CCNB3: variants seen among roughly 807,000 people sequenced by gnomAD.
The protein encoded by CCNB3 is cyclin B3.
CCNB3 carries 12 observed loss-of-function variants against 68.0 expected under a neutral mutation model. The observed-to-expected ratio is 0.18, with a 90% CI of 0.11 to 0.29. The LOEUF is 0.29. Among genes scored for constraint, CCNB3 ranks in the 10% least tolerant of loss-of-function variants. The probability of loss-of-function intolerance (pLI) is 1.00; values close to 1 mark genes in which losing one functional copy is unlikely to be tolerated. For synonymous variants in CCNB3, 354 were observed against 388.9 expected (o/e 0.91, Z 1.06); for missense variants, 904 against 993.1 (o/e 0.91, Z 1.21).
At chrX:50,212,278 A>G (rs1392682122) in intron 1 of CCNB3, among the ~76,000 whole-genome samples, 3 of 111,739 alleles carry the variant, frequency 2.7e-5, no homozygotes, top group Non-Finnish European at 5.6e-5. Context: ...ATATTTACAT[A>G]ATTGAAAATA....
chrX:50,345,474 C>T (rs1557220168), intron 9 of CCNB3, among the ~76,000 whole-genome samples: 1 of 109,771 alleles, frequency 9.1e-6, no homozygotes, highest in African/African-American at 3.3e-5. Flanking sequence ...CACCTGCTCT[C>T]TCCCTCCCTC....
At chrX:50,297,025 A>G (rs1338084047) in intron 5 of CCNB3, among the ~76,000 whole-genome samples, 3 of 111,159 alleles carry the variant, frequency 2.7e-5, no homozygotes, top group Non-Finnish European at 5.7e-5. Flanking sequence ...GATTCTGGAT[A>G]TTAGCCCTTT....
At chrX:50,301,987 G>T (rs782168403) in intron 5 of CCNB3, among the ~76,000 whole-genome samples, 1 of 112,681 alleles carries the variant, frequency 8.9e-6, no homozygotes, top group Non-Finnish European at 1.9e-5. Context: ...TTGGAAAAGC[G>T]CAGTATTAGG....
At chrX:50,311,522 TTAGA>T in intron 6 of CCNB3, 26 bp downstream of exon 6, 1 of 1,074,162 alleles carries the variant, frequency 9.3e-7, no homozygotes. Context: ...TCTTCTTAAA[TTAGA>T]TAAATTGTTC....
chrX:50,307,717 A>G (rs1190467790), intron 5 of CCNB3, among the ~76,000 whole-genome samples: 1 of 110,257 alleles, frequency 9.1e-6, no homozygotes, highest in African/African-American at 3.3e-5. Context: ...TCAGGAAACC[A>G]CTAGTCTACT....
chrX:50,348,835 G>A (rs782663702), intron 11 of CCNB3, among the ~76,000 whole-genome samples: 6 of 112,401 alleles, frequency 5.3e-5, no homozygotes, highest in East Asian at 5.6e-4. Flanking sequence ...CAGAATGGGC[G>A]TGGCCACAGC....
intron 1 of CCNB3, among the ~76,000 whole-genome samples, chrX:50,279,469 T>G (rs1271454355): frequency 1.2e-5 from 1 of 80,295 alleles, no homozygotes; most frequent in African/African-American, 4.7e-5. Flanking sequence ...TATAAATATA[T>G]AAATATATGA....
rs1921525858 is a variant in CCNB3 at position 50,312,612 on chromosome X, A to G, written c.3403A>G (p.Ser1135Gly). ...CCCAATGTATGCCAAGGAAATCTTC[A>G]GTTACATGAAAGAGAGAGAGGTATT... The part of the protein sequence containing the change: ...FNPMYAKEIF[S>G]YMKEREEQFI... Residue 1135 changes from serine to glycine, a missense_variant, in exon 7 of 13, where the codon AGT becomes GGT. Around this residue, in one of 2 missense-constraint regions of CCNB3, gnomAD observed 285 missense variants for 383.4 expected, o/e 0.74. Transcript: ENST00000376042. 8.4e-7 allele frequency: 1 copy of G among 1,197,583 alleles called. No homozygotes were observed. The highest frequency in any genetic ancestry group is 1.8e-5 in the South Asian group (1 of 55,502).
intron 8 of CCNB3, among the ~76,000 whole-genome samples, chrX:50,314,306 C>T (rs1314063711): frequency 9.0e-6 from 1 of 110,948 alleles, no homozygotes; most frequent in Non-Finnish European, 1.9e-5. Context: ...GTCTTTCAAA[C>T]TTTGAGTGGA....
intron 8 of CCNB3, chrX:50,341,581 A>C (rs1487883494): frequency 9.1e-6 from 1 of 109,649 alleles, no homozygotes; most frequent in Non-Finnish European, 1.9e-5. Flanking sequence ...TTTTTTTGAA[A>C]AGATAAATAA....
chrX:50,343,210 G>A, intron 9 of CCNB3, among the ~76,000 whole-genome samples: 1 of 109,715 alleles, frequency 9.1e-6, no homozygotes, highest in Middle Eastern at 4.6e-3. Context: ...ACCCTTTCTA[G>A]GCCTAGGCTA....
Position 50,227,020 on chromosome X carries a change from TATATATACAAATATATAGA to T in CCNB3, c.-113+22097_-113+22115del, listed in dbSNP as rs1167974753. Among the ~76,000 whole-genome samples, 16 of 76,997 alleles carry T rather than the reference TATATATACAAATATATAGA, an allele frequency of 2.1e-4. No individual in the cohort carries two copies. In the East Asian group the frequency reaches 3.7e-3, roughly 18 times the overall value. The allele number at this position is 76,997 out of a possible 115,157, so 66.9% of individuals were successfully genotyped here. On this transcript the variant is annotated intron_variant, in intron 1 of 12. Coordinates refer to ENST00000376042, the MANE Select transcript of CCNB3 (RefSeq NM_033031.3). ...ATAAATATATAGAAAATATATAAAA[TATATATACAAATATATAGA>T]ATATATACAAATATATAGAATATAT... is the stretch of plus-strand genomic sequence containing the variant.
chrX:50,226,223 G>GAATATATATATTTATATATATA (rs1935774558), intron 1 of CCNB3, among the ~76,000 whole-genome samples: 1 of 59,854 alleles, frequency 1.7e-5, no homozygotes, highest in South Asian at 1.0e-3. Flanking sequence ...TATATATATA[G>GAATATATATATTTATATATATA]AATATATATA....
intron 1 of CCNB3, among the ~76,000 whole-genome samples, chrX:50,220,770 G>A (rs1376226162): frequency 9.0e-6 from 1 of 111,669 alleles, no homozygotes; most frequent in Non-Finnish European, 1.9e-5. Context: ...TTTGTTATCA[G>A]GATGATGCTG....
At chrX:50,339,681 A>G (rs1277703239) in intron 8 of CCNB3, among the ~76,000 whole-genome samples, 1 of 111,916 alleles carries the variant, frequency 8.9e-6, no homozygotes. Flanking sequence ...TAGGATATAT[A>G]AGCATGGCAC....
intron 1 of CCNB3, among the ~76,000 whole-genome samples, chrX:50,283,760 G>A (rs956722861): frequency 9.0e-6 from 1 of 110,954 alleles, no homozygotes; most frequent in Non-Finnish European, 1.9e-5. Context: ...AAACCTCCCA[G>A]TCAACTTGGG....
intron 1 of CCNB3, among the ~76,000 whole-genome samples, chrX:50,212,205 G>T (rs1361206261): frequency 2.7e-5 from 3 of 112,037 alleles, no homozygotes; most frequent in African/African-American, 6.5e-5. Context: ...ACTGCGTTTT[G>T]CCCATTTTCA....
chrX:50,326,306 A>T (rs782460171), intron 8 of CCNB3, among the ~76,000 whole-genome samples: 3 of 111,799 alleles, frequency 2.7e-5, no homozygotes, highest in South Asian at 3.8e-4. Context: ...TGTCTTCCCT[A>T]TGGATAATTA....
intron 8 of CCNB3, among the ~76,000 whole-genome samples, chrX:50,336,932 G>A (rs949086137): frequency 2.7e-5 from 3 of 111,695 alleles, no homozygotes; most frequent in Non-Finnish European, 5.6e-5. Context: ...AGCCCAAGTA[G>A]GATTATGAGT....
Sources: gnomAD v4.1 joint callset for allele counts (sites outside exome capture counted in the v4.1 genomes callset) on GRCh38, gnomAD v4.1.1 for gene constraint, gnomAD v4.1.1 regional missense constraint, MANE v1.5 for transcripts, NCBI Gene and HGNC (gene_info 2026-07-23, HGNC 2026-07-21) for gene names.